MARCHF1: variants seen among roughly 807,000 people sequenced by gnomAD.
MARCHF1 encodes membrane associated ring-CH-type finger 1, also known as E3 ubiquitin-protein ligase MARCHF1.
A neutral mutation model predicts 54.2 loss-of-function variants in MARCHF1; 40 were observed. That is an observed-to-expected ratio of 0.74 (90% CI 0.57 to 0.96). MARCHF1 has a LOEUF of 0.96. Ranked by LOEUF, MARCHF1 falls within the 40% of genes least tolerant of loss-of-function variation. MARCHF1 has a pLI of 0.00. For synonymous variants in MARCHF1, 236 were observed against 236.3 expected, an observed-to-expected ratio of 1.00 and a Z score of 0.01; for missense variants, 586 against 656.5, an observed-to-expected ratio of 0.89 and a Z score of 1.17.
At chr4:164,199,998 G>A (rs1731410773) in intron 1 of MARCHF1, among the ~76,000 whole-genome samples, 1 of 152,102 alleles carries the variant, frequency 6.6e-6, no homozygotes, top group Admixed American at 6.5e-5. Flanking sequence ...TTTTTCCTGG[G>A]ACCTCCTTGC....
chr4:163,939,411 C>T (rs935319778), intron 3 of MARCHF1, among the ~76,000 whole-genome samples: 9 of 152,056 alleles, frequency 5.9e-5, no homozygotes, highest in Middle Eastern at 3.2e-3. Flanking sequence ...CATGTTAGCT[C>T]GCTAGGGAAA....
At chr4:163,859,192 T>C (rs998336330) in intron 3 of MARCHF1, among the ~76,000 whole-genome samples, 1 of 152,148 alleles carries the variant, frequency 6.6e-6, no homozygotes, top group Non-Finnish European at 1.5e-5. Context: ...AGATTTCTTT[T>C]AAAAAATTTT....
At chr4:163,711,261 T>A (rs1745097709) in intron 4 of MARCHF1, among the ~76,000 whole-genome samples, 1 of 152,252 alleles carries the variant, frequency 6.6e-6, no homozygotes, top group African/African-American at 2.4e-5. Context: ...ATTAATTGAC[T>A]GTTCCTTCCT....
chr4:163,605,299 G>C (rs1171135884), intron 7 of MARCHF1, among the ~76,000 whole-genome samples: 1 of 151,962 alleles, frequency 6.6e-6, no homozygotes, highest in East Asian at 1.9e-4. Context: ...ACAAACATAT[G>C]AAAAAAAGCT....
chr4:164,141,224 T>G (rs993994563), intron 1 of MARCHF1, among the ~76,000 whole-genome samples: 4 of 152,228 alleles, frequency 2.6e-5, no homozygotes, highest in African/African-American at 9.6e-5. Context: ...TGATACTTTC[T>G]AAGGATGGGG....
rs70948702 is a variant in MARCHF1 at position 164,140,239 on chromosome 4, C to CTATATATATA, written c.-322-28587_-322-28578dup. 3.8e-3 allele frequency among the ~76,000 whole-genome samples: 564 copies of CTATATATATA among 147,368 alleles called. 3 individuals are homozygous for CTATATATATA. The highest frequency in any genetic ancestry group is 0.011 in the Middle Eastern group (3 of 284). On this transcript the variant is annotated intron_variant, in intron 1 of 9. Transcript: ENST00000514618. ...CACTATATATACACATACACACACA[C>CTATATATATA]TATATATATATATATATAAATGAAA...
chr4:163,834,787 T>C (rs1749133031), intron 4 of MARCHF1, among the ~76,000 whole-genome samples: 1 of 152,094 alleles, frequency 6.6e-6, no homozygotes, highest in African/African-American at 2.4e-5. Context: ...CCTTTATAAT[T>C]ATACCAGGGC....
At chr4:163,622,917 A>G (rs1454051206) in intron 5 of MARCHF1, among the ~76,000 whole-genome samples, 3 of 152,202 alleles carry the variant, frequency 2.0e-5, no homozygotes, top group Non-Finnish European at 4.4e-5. Flanking sequence ...TGCAGAATCT[A>G]GCCTGTCTTG....
intron 1 of MARCHF1, among the ~76,000 whole-genome samples, chr4:164,296,771 G>A (rs377482888): frequency 2.4e-4 from 36 of 152,230 alleles, no homozygotes; most frequent in African/African-American, 6.7e-4. Flanking sequence ...TTGTAATATG[G>A]TTTCTAGAAA....
chr4:164,265,130 AT>A (rs1733576461), intron 1 of MARCHF1, among the ~76,000 whole-genome samples: 1 of 152,108 alleles, frequency 6.6e-6, no homozygotes, highest in African/African-American at 2.4e-5. Context: ...TGTGAATCTC[AT>A]TCATAATATA....
chr4:164,086,398 T>C (rs1216016902), intron 2 of MARCHF1, among the ~76,000 whole-genome samples: 3 of 151,994 alleles, frequency 2.0e-5, no homozygotes, highest in Non-Finnish European at 4.4e-5. Flanking sequence ...TTTAATGATA[T>C]ATAAATTGCT....
intron 1 of MARCHF1, among the ~76,000 whole-genome samples, chr4:164,154,767 G>GGACCC (rs1730032933): frequency 6.6e-6 from 1 of 152,162 alleles, no homozygotes; most frequent in African/African-American, 2.4e-5. Context: ...CCAGCTCAGT[G>GGACCC]GACCCTCTGC....
chr4:164,290,992 A>G (rs911408975), intron 1 of MARCHF1, among the ~76,000 whole-genome samples: 1 of 151,850 alleles, frequency 6.6e-6, no homozygotes, highest in Non-Finnish European at 1.5e-5. Context: ...TAAAGTAAAC[A>G]TGTTTTTTAA....
At chr4:163,929,538 G>A (rs2111386983) in intron 3 of MARCHF1, among the ~76,000 whole-genome samples, 1 of 152,022 alleles carries the variant, frequency 6.6e-6, no homozygotes, top group East Asian at 1.9e-4. Context: ...TGCCAATTAA[G>A]TATTTTTTTT....
intron 8 of MARCHF1, among the ~76,000 whole-genome samples, chr4:163,554,728 A>C: frequency 6.6e-6 from 1 of 152,240 alleles, no homozygotes; most frequent in African/African-American, 2.4e-5. Context: ...CAGGGAAGTA[A>C]ACCAGGCATA....
chr4:163,706,980 T>G (rs1744966926), intron 4 of MARCHF1, among the ~76,000 whole-genome samples: 1 of 152,066 alleles, frequency 6.6e-6, no homozygotes, highest in African/African-American at 2.4e-5. Flanking sequence ...CATATAAAAA[T>G]TATTTCCAGT....
chr4:164,120,375 A>G (rs1319712157), intron 1 of MARCHF1, among the ~76,000 whole-genome samples: 1 of 152,166 alleles, frequency 6.6e-6, no homozygotes, highest in Non-Finnish European at 1.5e-5. Flanking sequence ...AGGGCCCAAT[A>G]CATTAATAGC....
intron 2 of MARCHF1, among the ~76,000 whole-genome samples, chr4:164,076,953 G>T (rs1339096047): frequency 2.6e-5 from 4 of 152,048 alleles, no homozygotes; most frequent in Non-Finnish European, 5.9e-5. Context: ...TGGCCATACA[G>T]CCCAAATTAA....
intron 4 of MARCHF1, among the ~76,000 whole-genome samples, chr4:163,830,061 A>C (rs74822478): frequency 0.027 from 4,050 of 152,270 alleles, 71 homozygotes; most frequent in East Asian, 0.074. Flanking sequence ...GAACAATTTA[A>C]TTAAAGCCTC....
Sources: allele counts gnomAD v4.1 joint callset (sites outside exome capture counted in the v4.1 genomes callset), GRCh38; gene constraint gnomAD v4.1.1; transcripts MANE v1.5; gene names NCBI Gene and HGNC (gene_info 2026-07-23, HGNC 2026-07-21).